Variants in DENND2C observed in about 807,000 individuals in gnomAD.
DENND2C encodes the protein DENN domain containing 2C, also known as DENN domain-containing protein 2C.
A neutral mutation model predicts 112.4 loss-of-function variants in DENND2C; 72 were observed. That is an observed-to-expected ratio of 0.64 (90% confidence interval 0.53 to 0.78). The LOEUF is 0.78. Among genes scored for constraint, DENND2C ranks in the 30% least tolerant of loss-of-function variants. The probability of loss-of-function intolerance (pLI) is 0.00; values close to 1 mark genes in which losing one functional copy is unlikely to be tolerated. For synonymous variants in DENND2C, 329 were observed against 381.6 expected (o/e 0.86, Z 1.61); for missense variants, 992 against 1,113.8 (o/e 0.89, Z 1.56).
rs745321627 is a variant in DENND2C at position 114,618,340 on chromosome 1, A to G, written c.1324+46T>C. The G allele has an allele frequency of 4.4e-6, 6 of 1,356,878 alleles. No individual in the cohort carries two copies. In the South Asian group the frequency reaches 5.5e-5, roughly 12 times the overall value. The allele number at this position is 1,356,878 out of a possible 1,614,324, so 84.1% of individuals were successfully genotyped here. On this transcript the variant is annotated intron_variant, in intron 8 of 20. Coordinates refer to ENST00000393274, the MANE Select transcript of DENND2C (RefSeq NM_001256404.2). ...TAAGTTATATGGTGATTCTCCTCTC[A>G]TATCCTGACAGCTACAGGATAGCTG...
chr1:114,588,912 C>T (rs776365986), intron 18 of DENND2C, among the ~76,000 whole-genome samples: 16 of 152,254 alleles, frequency 1.1e-4, no homozygotes, highest in South Asian at 2.1e-4. Context: ...CCATTTCATA[C>T]TGCACTATAA....
At chr1:114,667,477 C>T (rs1657677310) in intron 1 of DENND2C, among the ~76,000 whole-genome samples, 1 of 151,996 alleles carries the variant, frequency 6.6e-6, no homozygotes, top group Non-Finnish European at 1.5e-5. Flanking sequence ...GAAAAATAAG[C>T]ACCTCATATT....
At chr1:114,635,462 G>A (rs965090952) in intron 3 of DENND2C, among the ~76,000 whole-genome samples, 1 of 152,146 alleles carries the variant, frequency 6.6e-6, no homozygotes, top group Non-Finnish European at 1.5e-5. Context: ...AGGCTGCAGT[G>A]GGCTATGATT....
intron 6 of DENND2C, 89 bp downstream of exon 6, chr1:114,622,897 AG>A: frequency 1.1e-6 from 1 of 875,776 alleles, no homozygotes; most frequent in Non-Finnish European, 1.7e-6. Flanking sequence ...AGTGCCTCTT[AG>A]TTCTGGACCC....
chr1:114,630,057 G>GT (rs1656445427), intron 3 of DENND2C, among the ~76,000 whole-genome samples: 1 of 152,202 alleles, frequency 6.6e-6, no homozygotes, highest in Non-Finnish European at 1.5e-5. Context: ...GCTCACGCCT[G>GT]TAATCCCAGC....
intron 6 of DENND2C, among the ~76,000 whole-genome samples, chr1:114,622,647 A>T (rs1011668985): frequency 6.6e-6 from 1 of 152,142 alleles, no homozygotes; most frequent in East Asian, 1.9e-4. Flanking sequence ...CTTTGCTTCT[A>T]GGCGTCTCAC....
At chr1:114,639,619 A>C (rs1442108456) in intron 3 of DENND2C, among the ~76,000 whole-genome samples, 2 of 149,208 alleles carry the variant, frequency 1.3e-5, no homozygotes, top group Non-Finnish European at 3.0e-5. Flanking sequence ...TTCAGTTATT[A>C]TATTTATCAG....
intron 10 of DENND2C, among the ~76,000 whole-genome samples, chr1:114,607,929 CCTCA>C (rs1655701985): frequency 1.3e-5 from 2 of 152,124 alleles, no homozygotes; most frequent in South Asian, 2.1e-4. Context: ...CTTATTTAAT[CCTCA>C]CTATGACTCA....
At chr1:114,613,570 C>T (rs1197076675) in intron 8 of DENND2C, among the ~76,000 whole-genome samples, 1 of 151,926 alleles carries the variant, frequency 6.6e-6, no homozygotes, top group African/African-American at 2.4e-5. Context: ...AAGAAATAAA[C>T]ACTGTGAGCT....
intron 7 of DENND2C, among the ~76,000 whole-genome samples, chr1:114,620,675 G>A (rs1290848304): frequency 6.6e-6 from 1 of 152,058 alleles, no homozygotes; most frequent in Non-Finnish European, 1.5e-5. Flanking sequence ...AGTTCTTTAA[G>A]ACTCTTTTTA....
At chr1:114,643,098 A>G (rs1270074612) in intron 3 of DENND2C, among the ~76,000 whole-genome samples, 1 of 152,200 alleles carries the variant, frequency 6.6e-6, no homozygotes, top group African/African-American at 2.4e-5. Flanking sequence ...AAAAAGAGGA[A>G]AGTCAGGGAT....
rs138552687 is a variant in DENND2C at position 114,610,536 on chromosome 1, C to T, written c.1369+537G>A. Reference sequence around the variant, plus strand: ...CCAATATGGTGAAACCCCATCTCTACTAAAAATACAAAAATTAGCTTGGCG... The same window carrying T: ...CCAATATGGTGAAACCCCATCTCTATTAAAAATACAAAAATTAGCTTGGCG... On this transcript the variant is annotated intron_variant, in intron 9 of 20. Transcript: ENST00000393274. Among the ~76,000 whole-genome samples, 247 of 152,124 alleles carry T rather than the reference C, an allele frequency of 1.6e-3. 3 individuals carry two copies. In the East Asian group the frequency reaches 0.033, roughly 20 times the overall value.
intron 18 of DENND2C, among the ~76,000 whole-genome samples, chr1:114,592,505 C>T (rs923073954): frequency 6.6e-6 from 1 of 151,904 alleles, no homozygotes; most frequent in Admixed American, 6.6e-5. Flanking sequence ...ATTGCTTGAG[C>T]CCAGGAGTTC....
intron 10 of DENND2C, among the ~76,000 whole-genome samples, chr1:114,606,861 G>C (rs1270253159): frequency 6.6e-6 from 1 of 152,138 alleles, no homozygotes; most frequent in Non-Finnish European, 1.5e-5. Flanking sequence ...TTCGACTAGG[G>C]GTTGGGAAGT....
chr1:114,668,884 G>A (rs1158905602), intron 1 of DENND2C, among the ~76,000 whole-genome samples: 1 of 152,114 alleles, frequency 6.6e-6, no homozygotes, highest in Non-Finnish European at 1.5e-5. Flanking sequence ...TACTTTAGCA[G>A]GTATCTTAAA....
intron 14 of DENND2C, 24 bp downstream of exon 14, chr1:114,600,796 T>G (rs755130886): frequency 6.2e-7 from 1 of 1,605,020 alleles, no homozygotes; most frequent in South Asian, 1.1e-5. Flanking sequence ...TGCTATCAAA[T>G]CTTTTCAAAA....
chr1:114,625,117 G>A (rs1336791531), intron 4 of DENND2C, 62 bp downstream of exon 4: 27 of 1,467,712 alleles, frequency 1.8e-5, no homozygotes, highest in Non-Finnish European at 2.4e-5. Flanking sequence ...AAAGGAAAAA[G>A]AAGCTCAATA....
intron 3 of DENND2C, among the ~76,000 whole-genome samples, chr1:114,642,775 G>T (rs1331006168): frequency 6.6e-6 from 1 of 152,152 alleles, no homozygotes; most frequent in Non-Finnish European, 1.5e-5. Flanking sequence ...AGGTTGTGAG[G>T]ATTAAATATC....
intron 3 of DENND2C, among the ~76,000 whole-genome samples, chr1:114,631,411 C>G (rs1338523559): frequency 6.6e-6 from 1 of 151,840 alleles, no homozygotes; most frequent in Admixed American, 6.6e-5. Flanking sequence ...AATAAAATGT[C>G]CGTCATCTAA....
Sources: allele counts gnomAD v4.1 joint callset (sites outside exome capture counted in the v4.1 genomes callset), GRCh38; gene constraint gnomAD v4.1.1; transcripts MANE v1.5; gene names NCBI Gene and HGNC (gene_info 2026-07-23, HGNC 2026-07-21).